Variants in ARHGAP24 observed in about 807,000 individuals in gnomAD.
ARHGAP24 encodes the protein rho GTPase-activating protein 24.
In ARHGAP24, 50 loss-of-function variants were observed where a neutral mutation model predicts 76.4. The observed-to-expected ratio is 0.65, with a 90% CI of 0.52 to 0.83. The LOEUF is 0.83. Among genes scored for constraint, ARHGAP24 ranks in the 40% least tolerant of loss-of-function variants. The probability of loss-of-function intolerance (pLI) is 0.00; values close to 1 mark genes in which losing one functional copy is unlikely to be tolerated. For synonymous variants in ARHGAP24, 345 were observed against 323.3 expected, an observed-to-expected ratio of 1.07 and a Z score of -0.72; for missense variants, 930 against 914.2, an observed-to-expected ratio of 1.02 and a Z score of -0.22.
intron 3 of ARHGAP24, among the ~76,000 whole-genome samples, chr4:85,750,133 G>A (rs1726202955): frequency 6.6e-6 from 1 of 152,068 alleles, no homozygotes; most frequent in Non-Finnish European, 1.5e-5. Flanking sequence ...TTTTTGGTAG[G>A]AGAAAATTTA....
intron 5 of ARHGAP24, among the ~76,000 whole-genome samples, chr4:85,963,892 T>C (rs924580826): frequency 2.0e-5 from 3 of 152,124 alleles, no homozygotes; most frequent in African/African-American, 7.2e-5. Flanking sequence ...CACTTATATA[T>C]GTTTTTTTTC....
chr4:85,939,927 A>C (rs2148823791), intron 4 of ARHGAP24, among the ~76,000 whole-genome samples: 1 of 152,296 alleles, frequency 6.6e-6, no homozygotes, highest in African/African-American at 2.4e-5. Context: ...ACACATACAT[A>C]AAATTTATTC....
chr4:85,719,232 T>A (rs899056578), intron 2 of ARHGAP24, among the ~76,000 whole-genome samples: 6 of 152,150 alleles, frequency 3.9e-5, no homozygotes, highest in Middle Eastern at 3.2e-3. Context: ...AGCAATTTTT[T>A]AAAAATTACT....
chr4:85,721,871 A>G lies in ARHGAP24; in HGVS notation c.181-14A>G, dbSNP rs1272033526. ...CTCTGATGATGTTGATGTTTTGGGT[A>G]TTTGTTTTCACAGGGTACTATTTTT... On this transcript the variant is annotated splice_polypyrimidine_tract_variant and intron_variant, in intron 2 of 9. Coordinates refer to ENST00000395184, the MANE Select transcript of ARHGAP24 (RefSeq NM_001025616.3). 5 of 1,608,588 alleles carry G rather than the reference A, an allele frequency of 3.1e-6. No individual in the cohort carries two copies. The African/African-American group carries it at 6.7e-5, about 22-fold the overall frequency.
At chr4:85,851,544 C>A (rs1731233958) in intron 3 of ARHGAP24, among the ~76,000 whole-genome samples, 1 of 152,196 alleles carries the variant, frequency 6.6e-6, no homozygotes, top group Admixed American at 6.5e-5. Context: ...TTCCTAGCAT[C>A]AACGGTCTTT....
chr4:85,612,147 G>A (rs1052841915), intron 2 of ARHGAP24, among the ~76,000 whole-genome samples: 7 of 150,236 alleles, frequency 4.7e-5, no homozygotes, highest in South Asian at 2.1e-4. Context: ...TGCCGGGCGC[G>A]GTGGCTCATG....
At chr4:85,786,980 C>A (rs1178699088) in intron 3 of ARHGAP24, among the ~76,000 whole-genome samples, 1 of 152,242 alleles carries the variant, frequency 6.6e-6, no homozygotes, top group Admixed American at 6.5e-5. Flanking sequence ...CCAGTCCATT[C>A]AAGCTCAGCT....
intron 3 of ARHGAP24, among the ~76,000 whole-genome samples, chr4:85,858,030 A>G (rs888352592): frequency 5.3e-5 from 8 of 152,166 alleles, no homozygotes; most frequent in African/African-American, 1.7e-4. Flanking sequence ...TTTCTTTTAA[A>G]CTTTTCTTTA....
chr4:85,829,883 C>T (rs1386939901), intron 3 of ARHGAP24, among the ~76,000 whole-genome samples: 1 of 152,168 alleles, frequency 6.6e-6, no homozygotes, highest in African/African-American at 2.4e-5. Flanking sequence ...TCAGTGTATA[C>T]AGCCAAGAAA....
chr4:85,534,148 A>G (rs1489053338), intron 1 of ARHGAP24, among the ~76,000 whole-genome samples: 6 of 152,196 alleles, frequency 3.9e-5, no homozygotes, highest in African/African-American at 1.4e-4. Flanking sequence ...CTAAGTTTAC[A>G]TCTCTATCTG....
At chr4:85,740,592 C>T (rs1292677717) in intron 3 of ARHGAP24, among the ~76,000 whole-genome samples, 1 of 152,060 alleles carries the variant, frequency 6.6e-6, no homozygotes, top group Non-Finnish European at 1.5e-5. Context: ...TATCTTTTAC[C>T]TGTTTTATTT....
At chr4:85,968,162 G>C (rs1407847818) in intron 5 of ARHGAP24, among the ~76,000 whole-genome samples, 3 of 152,044 alleles carry the variant, frequency 2.0e-5, no homozygotes, top group Admixed American at 2.0e-4. Context: ...CAAAGAGCAT[G>C]ACTCTACAGC....
chr4:85,716,404 A>G (rs1264884640), intron 2 of ARHGAP24, among the ~76,000 whole-genome samples: 1 of 152,142 alleles, frequency 6.6e-6, no homozygotes, highest in African/African-American at 2.4e-5. Context: ...ATTCTTCATA[A>G]AAGGAATATT....
chr4:85,487,519 T>C (rs1477478532), intron 1 of ARHGAP24, among the ~76,000 whole-genome samples: 2 of 110,168 alleles, frequency 1.8e-5, no homozygotes, highest in African/African-American at 7.6e-5. Flanking sequence ...TATAAACATA[T>C]ATTTATTACA....
chr4:85,793,860 T>C (rs1728232582), intron 3 of ARHGAP24, among the ~76,000 whole-genome samples: 1 of 152,156 alleles, frequency 6.6e-6, no homozygotes, highest in African/African-American at 2.4e-5. Flanking sequence ...AAGCATAATA[T>C]AAGAAAAGGA....
chr4:85,692,842 A>G (rs933031887), intron 2 of ARHGAP24, among the ~76,000 whole-genome samples: 10 of 152,320 alleles, frequency 6.6e-5, no homozygotes, highest in South Asian at 2.1e-4. Flanking sequence ...GTCAGAGACT[A>G]GTGGAATCAT....
intron 1 of ARHGAP24, among the ~76,000 whole-genome samples, chr4:85,561,323 C>G (rs576533060): frequency 1.3e-5 from 2 of 152,160 alleles, no homozygotes; most frequent in African/African-American, 2.4e-5. Context: ...CAATTGCTTC[C>G]CATAAACATA....
intron 4 of ARHGAP24, among the ~76,000 whole-genome samples, chr4:85,925,641 A>T (rs1307523195): frequency 6.6e-6 from 1 of 152,202 alleles, no homozygotes; most frequent in East Asian, 1.9e-4. Flanking sequence ...ATTGTTGTTA[A>T]TCTTTTACTG....
intron 2 of ARHGAP24, among the ~76,000 whole-genome samples, chr4:85,655,820 G>GAGAA (rs1722142031): frequency 4.8e-5 from 5 of 104,386 alleles, no homozygotes; most frequent in African/African-American, 2.2e-4. Flanking sequence ...GAGAGAGAAA[G>GAGAA]AGAGAGAGAG....
Sources: allele counts gnomAD v4.1 joint callset (sites outside exome capture counted in the v4.1 genomes callset), GRCh38; gene constraint gnomAD v4.1.1; transcripts MANE v1.5; gene names NCBI Gene and HGNC (gene_info 2026-07-23, HGNC 2026-07-21).